PFKM: variants seen among roughly 807,000 people sequenced by gnomAD.
The protein encoded by PFKM is ATP-dependent 6-phosphofructokinase, muscle type.
A neutral mutation model predicts 95.5 loss-of-function variants in PFKM; 58 were observed. The ratio of observed to expected loss-of-function variants is 0.61; its 90% confidence interval spans 0.49 to 0.76. PFKM has a LOEUF of 0.76. PFKM is among the 30% of genes least tolerant of loss of function. The pLI is 0.00. For synonymous variants in PFKM, 336 were observed against 357.2 expected (o/e 0.94, Z 0.67); for missense variants, 678 against 1,005.4 (o/e 0.67, Z 4.40).
At chr12:48,117,249 G>C (rs1947756923), upstream of PFKM, among the ~76,000 whole-genome samples, 1 of 152,212 alleles carries the variant, frequency 6.6e-6, no homozygotes, top group Non-Finnish European at 1.5e-5. Flanking sequence ...GGACATCTTG[G>C]TTGCCTCCAG....
chr12:48,123,230 A>G (rs1211479938), intron 2 of PFKM, among the ~76,000 whole-genome samples: 1 of 152,154 alleles, frequency 6.6e-6, no homozygotes, highest in Non-Finnish European at 1.5e-5. Flanking sequence ...GGAGACCCAG[A>G]ATTAGTATAT....
intron 3 of PFKM, 113 bp downstream of exon 3, chr12:48,130,549 T>G (rs1342791958): frequency 3.5e-6 from 3 of 861,126 alleles, no homozygotes; most frequent in Non-Finnish European, 6.1e-6. Flanking sequence ...CATTGCTGTG[T>G]TTGATTTTCC....
chr12:48,139,532 G>T (rs1950401383), intron 12 of PFKM, 183 bp downstream of exon 12: 1 of 651,528 alleles, frequency 1.5e-6, no homozygotes, highest in East Asian at 2.7e-5. Context: ...TTCATCTCAG[G>T]GGTGTGGTCC....
In PFKM at chr12:48,145,676, A is replaced by G; in HGVS notation, c.2311A>G (p.Thr771Ala). 6.2e-7 allele frequency: 1 copy of G among 1,614,112 alleles called. No individual in the cohort carries two copies. Among genetic ancestry groups the G allele is most frequent in the Non-Finnish European group, 8.5e-7 (1 of 1,180,012 alleles). ...AGACCATGCCCACCTGGAGCACATCACCCGGAAGCGGTCCGGGGAAGCTGC... is the reference window on the plus strand; with the variant it reads ...AGACCATGCCCACCTGGAGCACATCGCCCGGAAGCGGTCCGGGGAAGCTGC... ...TSDHAHLEHI[T>A]RKRSGEAAV Residue 771 changes from threonine to alanine, a missense_variant, in exon 23 of 23, where the codon ACC becomes GCC. By Grantham distance (58) the Thr-to-Ala change is moderately conservative. Coordinates refer to ENST00000359794, the MANE Select transcript of PFKM (RefSeq NM_000289.6). The surrounding 1 kb of genome is among the most constrained non-coding windows in gnomAD (Gnocchi z 4.3).
chr12:48,135,855 G>A (rs1039127237), intron 10 of PFKM, among the ~76,000 whole-genome samples: 14 of 151,922 alleles, frequency 9.2e-5, no homozygotes, highest in African/African-American at 3.4e-4. Context: ...ATAGCCACGT[G>A]TACTTTACCC....
chr12:48,135,441 C>A, intron 10 of PFKM, 58 bp downstream of exon 10: 2 of 1,240,918 alleles, frequency 1.6e-6, no homozygotes, highest in Non-Finnish European at 1.2e-6. Context: ...TGTAGTCCTG[C>A]CCCCTCAGGG....
intron 10 of PFKM, among the ~76,000 whole-genome samples, chr12:48,136,153 C>G (rs1359653790): frequency 6.6e-6 from 1 of 152,162 alleles, no homozygotes; most frequent in Non-Finnish European, 1.5e-5. Flanking sequence ...TCCCAAAATG[C>G]CGGGATTACA....
chr12:48,105,382 A>G (rs371809253), upstream of PFKM: 5 of 518,920 alleles, frequency 9.6e-6, no homozygotes, highest in Non-Finnish European at 1.9e-5. Context: ...ACCAAGAAAG[A>G]GACGGTTCAA....
At position 48,132,221 on chromosome 12, in the gene PFKM, C is replaced by T. The variant is rs11835145; in HGVS notation, c.238-647C>T. The T allele has an allele frequency of 4.2e-3, 1,537 of 366,934 alleles. 17 individuals carry two copies. The highest frequency in any genetic ancestry group is 0.028 in the African/African-American group (1,325 of 46,918). 22.7% of individuals were successfully genotyped at this position (366,934 alleles called of 1,614,324 possible). On this transcript the variant is annotated intron_variant, in intron 4 of 22. Transcript: ENST00000359794. Reference sequence around the variant, plus strand: ...TACTTACCTCTCTCAGGTAAGTATACTTTCTCTCAGGGATAGAAAGCCTTA... The same window carrying T: ...TACTTACCTCTCTCAGGTAAGTATATTTTCTCTCAGGGATAGAAAGCCTTA...
chr12:48,122,444 C>T (rs1948385015), intron 1 of PFKM: 4 of 470,846 alleles, frequency 8.5e-6, no homozygotes, highest in Admixed American at 4.6e-5. Flanking sequence ...TTTCTCCTCC[C>T]TTTCTCATTT....
chr12:48,144,390 G>A (rs1044732178), intron 20 of PFKM, among the ~76,000 whole-genome samples: 45 of 152,088 alleles, frequency 3.0e-4, no homozygotes, highest in African/African-American at 1.0e-3. Context: ...AGCCCTCATG[G>A]GAGGGCTTTT....
intron 3 of PFKM, among the ~76,000 whole-genome samples, chr12:48,108,833 A>C (rs1396719712): frequency 2.0e-5 from 3 of 152,244 alleles, no homozygotes; most frequent in African/African-American, 7.2e-5. Flanking sequence ...AAACATATGT[A>C]TAAGGCATAT....
chr12:48,108,057 GC>G (rs1946859930), intron 2 of PFKM: 1 of 1,599,086 alleles, frequency 6.3e-7, no homozygotes, highest in African/African-American at 1.3e-5. Context: ...GTGACCTAAA[GC>G]TATTGTTTCT....
In PFKM at chr12:48,144,168, C is replaced by T. The variant is rs1950820603; in HGVS notation, c.1992+11C>T. Reference sequence around the variant, plus strand: ...GGTCACATGCAGCAGGTAGGGAAGACACCGTAGTCATGCCCTTCATCAGAC... The same window carrying T: ...GGTCACATGCAGCAGGTAGGGAAGATACCGTAGTCATGCCCTTCATCAGAC... On this transcript the variant is annotated intron_variant, in intron 20 of 22. Coordinates refer to ENST00000359794, the MANE Select transcript of PFKM (RefSeq NM_000289.6). 1 of 1,546,808 alleles carries T rather than the reference C, an allele frequency of 6.5e-7. No homozygotes were observed. The highest frequency in any genetic ancestry group is 2.2e-5 in the East Asian group (1 of 44,560).
chr12:48,105,520 G>A, upstream of PFKM: 6 of 518,852 alleles, frequency 1.2e-5, no homozygotes, highest in Non-Finnish European at 2.3e-5. Flanking sequence ...ATCTCAGGGA[G>A]ATACCACAGA....
At chr12:48,141,446 C>A in intron 15 of PFKM, 65 bp downstream of exon 15, 1 of 1,367,452 alleles carries the variant, frequency 7.3e-7, no homozygotes, top group Non-Finnish European at 1.0e-6. Flanking sequence ...GATGTGGGTT[C>A]ATTATGCCAT....
chr12:48,134,079 T>G (rs998480592), intron 6 of PFKM, among the ~76,000 whole-genome samples, 153 bp from the exon 7 acceptor site: 2 of 152,126 alleles, frequency 1.3e-5, no homozygotes, highest in Non-Finnish European at 1.5e-5. Context: ...GGCTAAAGTA[T>G]TTCCCCTAGG....
At chr12:48,140,966 C>A in intron 14 of PFKM, 95 bp downstream of exon 14, 1 of 1,284,914 alleles carries the variant, frequency 7.8e-7, no homozygotes, top group Non-Finnish European at 1.1e-6. Context: ...CTGTTCCTCA[C>A]TACCTCTCTC....
chr12:48,125,231 A>C, intron 2 of PFKM: 1 of 392,540 alleles, frequency 2.5e-6, no homozygotes, highest in Non-Finnish European at 5.0e-6. Flanking sequence ...CTACCCCTGG[A>C]AAGGACCTCA....
Sources: gnomAD v4.1 joint callset for allele counts (sites outside exome capture counted in the v4.1 genomes callset) on GRCh38, gnomAD v4.1.1 for gene constraint, Gnocchi (gnomAD v3.1) non-coding constraint, MANE v1.5 for transcripts, NCBI Gene and HGNC (gene_info 2026-07-23, HGNC 2026-07-21) for gene names.